MYO3B: variants seen among roughly 807,000 people sequenced by gnomAD.
The protein encoded by MYO3B is myosin-IIIb.
Under a neutral mutation model 174.6 loss-of-function variants are expected in MYO3B, and 156 were observed. The ratio of observed to expected loss-of-function variants is 0.89; its 90% CI spans 0.78 to 1.02. MYO3B has a LOEUF of 1.02. Among genes scored for constraint, MYO3B ranks in the 50% least tolerant of loss-of-function variants. The probability of loss-of-function intolerance (pLI) is 0.00; values close to 1 mark genes in which losing one functional copy is unlikely to be tolerated. For synonymous variants in MYO3B, 563 were observed against 569.1 expected (o/e 0.99, Z 0.15); for missense variants, 1,632 against 1,639.4 (o/e 1.00, Z 0.08).
chr2:170,316,235 A>C (rs1568271), intron 7 of MYO3B, among the ~76,000 whole-genome samples: 75,489 of 152,084 alleles, frequency 0.5, 19,567 homozygotes, highest in Middle Eastern at 0.67. Flanking sequence ...GTATTAATGA[A>C]GTATCTGACT....
intron 23 of MYO3B, among the ~76,000 whole-genome samples, chr2:170,456,506 T>C (rs932333700): frequency 6.6e-6 from 1 of 152,322 alleles, no homozygotes; most frequent in Admixed American, 6.5e-5. Context: ...CAGTTCAACA[T>C]GTCAACATGG....
At chr2:170,366,056 C>T (rs1278433074) in intron 8 of MYO3B, among the ~76,000 whole-genome samples, 1 of 152,122 alleles carries the variant, frequency 6.6e-6, no homozygotes, top group Non-Finnish European at 1.5e-5. Flanking sequence ...GCTATATAAA[C>T]TGCATGCTTT....
intron 7 of MYO3B, among the ~76,000 whole-genome samples, chr2:170,293,554 T>C (rs2093609771): frequency 6.6e-6 from 1 of 152,146 alleles, no homozygotes; most frequent in Admixed American, 6.6e-5. Context: ...CTGTCTGCAA[T>C]CTCCGTGGTA....
At position 170,536,084 on chromosome 2, in the gene MYO3B, C is replaced by T. The variant is rs1172535380; in HGVS notation, c.3576-6822C>T. Among the ~76,000 whole-genome samples the T allele has an allele frequency of 2.0e-5, 3 of 152,246 alleles. No homozygotes were observed. In the South Asian group the frequency reaches 6.2e-4, roughly 32 times the overall value. The stretch of plus-strand genomic sequence containing the variant: ...ACTTTTACACAGTGACAGCTGCCTG[C>T]AGTAAAGTAGTGAAGGAGGGAAAAG... On this transcript the variant is annotated intron_variant, in intron 30 of 34. Transcript: ENST00000408978.
chr2:170,272,902 ATGTATTAGCT>A (rs1267179993), intron 7 of MYO3B, among the ~76,000 whole-genome samples: 1 of 152,180 alleles, frequency 6.6e-6, no homozygotes, highest in African/African-American at 2.4e-5. Context: ...TGAACAGAAA[ATGTATTAGCT>A]TGTGGATACC....
chr2:170,372,136 AAAAAAAAAAC>A (rs2094252633), intron 9 of MYO3B, among the ~76,000 whole-genome samples: 4 of 148,336 alleles, frequency 2.7e-5, no homozygotes, highest in Admixed American at 2.7e-4. Context: ...AAAAAAAAAA[AAAAAAAAAAC>A]AACAACAACA....
chr2:170,570,980 C>T (rs1692404647), intron 32 of MYO3B, among the ~76,000 whole-genome samples: 1 of 152,168 alleles, frequency 6.6e-6, no homozygotes, highest in African/African-American at 2.4e-5. Context: ...TCACCAATAA[C>T]ATCTCTTTTG....
Position 170,371,408 on chromosome 2 carries a change from T to C in MYO3B, c.971+2031T>C, listed in dbSNP as rs528095465. On this transcript the variant is annotated intron_variant, in intron 9 of 34. Transcript: ENST00000408978. Reference sequence around the variant, plus strand: ...ATCTTGAGTTTCACTCAGTGGTTTGTGTTTCTTTGAACTATCATTAAAAAA... The same window carrying C: ...ATCTTGAGTTTCACTCAGTGGTTTGCGTTTCTTTGAACTATCATTAAAAAA... 6.8e-5 allele frequency among the ~76,000 whole-genome samples: 10 copies of C among 146,480 alleles called. No homozygotes were observed. In the South Asian group the frequency reaches 2.2e-3, roughly 33 times the overall value.
chr2:170,460,826 TAC>T (rs1340049829), intron 23 of MYO3B, among the ~76,000 whole-genome samples: 1 of 152,218 alleles, frequency 6.6e-6, no homozygotes, highest in Non-Finnish European at 1.5e-5. Context: ...TTGAAAACAA[TAC>T]AGATTATTCC....
intron 32 of MYO3B, among the ~76,000 whole-genome samples, chr2:170,616,049 A>G (rs530279341): frequency 3.9e-5 from 6 of 152,330 alleles, no homozygotes; most frequent in African/African-American, 9.6e-5. Context: ...TAAAACAGAA[A>G]CACAATCTTT....
chr2:170,529,540 AAAT>A (rs1406775505), intron 30 of MYO3B, among the ~76,000 whole-genome samples: 1 of 151,886 alleles, frequency 6.6e-6, no homozygotes, highest in Non-Finnish European at 1.5e-5. Context: ...AGACAATTTC[AAAT>A]AATAAGAAAA....
At chr2:170,364,262 A>C (rs2094182361) in intron 8 of MYO3B, among the ~76,000 whole-genome samples, 1 of 144,874 alleles carries the variant, frequency 6.9e-6, no homozygotes, top group African/African-American at 2.5e-5. Flanking sequence ...TAAGCTTGGA[A>C]ACGTGGGCTC....
chr2:170,624,301 T>C (rs10179261), intron 32 of MYO3B, among the ~76,000 whole-genome samples: 13,250 of 152,224 alleles, frequency 0.087, 1,939 homozygotes, highest in African/African-American at 0.3. Flanking sequence ...CCCTTTTAAG[T>C]TGCATTCCGA....
Position 170,485,416 on chromosome 2 carries a change from CACACAGAG to C in MYO3B, c.3015-13174_3015-13167del, listed in dbSNP as rs1344015576. ...ACACACACACACACACACACACACA[CACACAGAG>C]AGAGAGAGAGAGAGAGAGAGCGAGT... On this transcript the variant is annotated intron_variant, in intron 25 of 34. Transcript: ENST00000408978. 4.8e-3 allele frequency among the ~76,000 whole-genome samples: 627 copies of C among 129,286 alleles called. 5 individuals carry two copies. The highest frequency in any genetic ancestry group is 0.016 in the African/African-American group (592 of 36,348). 84.8% of individuals were successfully genotyped at this position (129,286 alleles called of 152,430 possible).
intron 7 of MYO3B, among the ~76,000 whole-genome samples, chr2:170,254,038 T>C (rs2093280971): frequency 6.6e-6 from 1 of 151,998 alleles, no homozygotes; most frequent in South Asian, 2.1e-4. Context: ...AGAGAGGTGA[T>C]GCAGACACCA....
At chr2:170,373,659 A>G (rs1345906739) in intron 9 of MYO3B, among the ~76,000 whole-genome samples, 1 of 152,048 alleles carries the variant, frequency 6.6e-6, no homozygotes, top group Non-Finnish European at 1.5e-5. Context: ...GACAGAAGAG[A>G]GAGGAAGCAA....
chr2:170,594,811 C>T (rs1232047271), intron 32 of MYO3B, among the ~76,000 whole-genome samples: 2 of 148,926 alleles, frequency 1.3e-5, no homozygotes, highest in Admixed American at 1.3e-4. Context: ...TGAGTATGCA[C>T]TCTTTCCCAG....
intron 32 of MYO3B, among the ~76,000 whole-genome samples, chr2:170,594,825 GCGCACACACACACA>G (rs1394238085): frequency 0.02 from 2,635 of 132,694 alleles, 58 homozygotes; most frequent in African/African-American, 0.072. Context: ...TTCCCAGCGC[GCGCACACACACACA>G]CACACACACA....
intron 12 of MYO3B, 122 bp downstream of exon 12, chr2:170,383,936 C>A: frequency 1.4e-6 from 1 of 737,518 alleles, no homozygotes; most frequent in Non-Finnish European, 2.3e-6. Context: ...CCCAAAGAGA[C>A]AGGAGATGAA....
Sources: gnomAD v4.1 joint callset for allele counts (sites outside exome capture counted in the v4.1 genomes callset) on GRCh38, gnomAD v4.1.1 for gene constraint, MANE v1.5 for transcripts, NCBI Gene and HGNC (gene_info 2026-07-23, HGNC 2026-07-21) for gene names.